The following CNTNAP5 variants were observed in gnomAD, a reference collection of about 807,000 sequenced individuals.
The protein encoded by CNTNAP5 is contactin associated protein family member 5, also known as contactin-associated protein-like 5.
Under a neutral mutation model 150.2 loss-of-function variants are expected in CNTNAP5, and 72 were observed. The observed-to-expected ratio is 0.48, with a 90% CI of 0.40 to 0.58. CNTNAP5 has a LOEUF of 0.58. Among genes scored for constraint, CNTNAP5 ranks in the 20% least tolerant of loss-of-function variants. The probability of loss-of-function intolerance (pLI) is 0.00; values close to 1 mark genes in which losing one functional copy is unlikely to be tolerated. For missense variants in CNTNAP5, 1,636 were observed against 1,626.2 expected (o/e 1.01, Z -0.10); for synonymous variants, 672 against 619.8 (o/e 1.08, Z -1.25).
intron 2 of CNTNAP5, among the ~76,000 whole-genome samples, chr2:124,231,104 G>C (rs1686606136): frequency 1.3e-5 from 2 of 152,258 alleles, no homozygotes; most frequent in Non-Finnish European, 2.9e-5. Context: ...AGAACTCCTG[G>C]ATCAGAACCC....
At chr2:124,545,077 T>A (rs1001698124) in intron 10 of CNTNAP5, among the ~76,000 whole-genome samples, 2 of 152,214 alleles carry the variant, frequency 1.3e-5, no homozygotes, top group African/African-American at 4.8e-5. Context: ...TCTTTTGCTA[T>A]TTCTGTTACC....
chr2:124,397,451 T>C (rs1320376916), intron 3 of CNTNAP5, among the ~76,000 whole-genome samples: 1 of 152,180 alleles, frequency 6.6e-6, no homozygotes, highest in African/African-American at 2.4e-5. Context: ...AAGGCACTAA[T>C]TCCATCACAG....
At chr2:124,845,238 C>T (rs1439454616) in intron 19 of CNTNAP5, among the ~76,000 whole-genome samples, 1 of 151,932 alleles carries the variant, frequency 6.6e-6, no homozygotes, top group African/African-American at 2.4e-5. Flanking sequence ...TTGAGATCAT[C>T]ATGTGATTTT....
chr2:124,266,459 C>CA (rs1187197976), intron 3 of CNTNAP5, among the ~76,000 whole-genome samples: 2 of 151,704 alleles, frequency 1.3e-5, no homozygotes, highest in Non-Finnish European at 2.9e-5. Context: ...TTTCGCCTTC[C>CA]AAAAAAAAGC....
chr2:124,354,214 G>C (rs1216450762), intron 3 of CNTNAP5, among the ~76,000 whole-genome samples: 1 of 152,158 alleles, frequency 6.6e-6, no homozygotes, highest in African/African-American at 2.4e-5. Context: ...GTTTGAGGCA[G>C]TAAAAGACAC....
At chr2:124,622,853 A>G (rs1677646859) in intron 12 of CNTNAP5, among the ~76,000 whole-genome samples, 1 of 152,194 alleles carries the variant, frequency 6.6e-6, no homozygotes, top group Non-Finnish European at 1.5e-5. Flanking sequence ...TTGCAAAAGT[A>G]TTGTTACCAC....
At chr2:124,231,111 AC>A (rs1057382616) in intron 2 of CNTNAP5, among the ~76,000 whole-genome samples, 2 of 152,152 alleles carry the variant, frequency 1.3e-5, no homozygotes, top group Non-Finnish European at 2.9e-5. Flanking sequence ...CTGGATCAGA[AC>A]CCGTGCATTA....
At chr2:124,713,087 G>A (rs181687415) in intron 13 of CNTNAP5, among the ~76,000 whole-genome samples, 16 of 152,198 alleles carry the variant, frequency 1.1e-4, no homozygotes, top group Non-Finnish European at 1.9e-4. Context: ...TGGCTACCAA[G>A]CATCTGCTGA....
At position 124,053,076 on chromosome 2, in the gene CNTNAP5, G is replaced by A. The variant is rs146085407; in HGVS notation, c.82+27344G>A. Among the ~76,000 whole-genome samples the A allele has an allele frequency of 6.1e-3, 800 of 132,158 alleles. 5 individuals carry two copies. Among genetic ancestry groups the A allele is most frequent in the African/African-American group, 0.021 (743 of 34,594 alleles). 86.7% of individuals were successfully genotyped at this position (132,158 alleles called of 152,430 possible). A position where few individuals can be genotyped will look rare whatever the true frequency, so the allele number is the denominator to read the frequency against. ...GATCACTGAACCAGCCACATTATTC[G>A]GAAACCATCTGTTTGTCCTCATTTA... On this transcript the variant is annotated intron_variant, in intron 1 of 23. Transcript: ENST00000682447.
At chr2:124,662,556 G>A (rs1388524748) in intron 13 of CNTNAP5, among the ~76,000 whole-genome samples, 1 of 152,190 alleles carries the variant, frequency 6.6e-6, no homozygotes, top group Non-Finnish European at 1.5e-5. Flanking sequence ...TTATATAAAT[G>A]AGGAAATGGA....
chr2:124,527,424 T>G lies in CNTNAP5; in HGVS notation c.1617T>G (p.Asp539Glu), dbSNP rs759146552. 6.2e-7 allele frequency: 1 copy of G among 1,613,710 alleles called. No individual in the cohort carries two copies. Among genetic ancestry groups the G allele is most frequent in the Non-Finnish European group, 8.5e-7 (1 of 1,179,668 alleles). The change falls in exon 10 of 24, where the codon GAT becomes GAG. Residue 539 changes from aspartate to glutamate, a missense_variant. By Grantham distance (45) the Asp-to-Glu change is conservative. Coordinates refer to ENST00000682447, the MANE Select transcript of CNTNAP5 (RefSeq NM_001367498.1). ...AAGGTTCCCTGGGGAATTTTAGTGA[T>G]TTACACATTGATCTGTGTAGCATCA... ...VQQGSLGNFS[D>E]LHIDLCSIKD...
chr2:124,053,925 A>C (rs1460345868), intron 1 of CNTNAP5, among the ~76,000 whole-genome samples: 1 of 152,214 alleles, frequency 6.6e-6, no homozygotes, highest in Non-Finnish European at 1.5e-5. Context: ...ATGCTGGAAA[A>C]TTCTAGTTTC....
intron 1 of CNTNAP5, among the ~76,000 whole-genome samples, chr2:124,165,260 T>A (rs1251616184): frequency 2.0e-5 from 3 of 152,124 alleles, no homozygotes; most frequent in Admixed American, 2.0e-4. Flanking sequence ...GTAGAGGAGT[T>A]TGTGCAGTAG....
At chr2:124,047,153 G>A (rs558380255) in intron 1 of CNTNAP5, among the ~76,000 whole-genome samples, 3 of 152,210 alleles carry the variant, frequency 2.0e-5, no homozygotes, top group Admixed American at 6.5e-5. Context: ...AAACAATACC[G>A]AGCTATTTAC....
intron 1 of CNTNAP5, among the ~76,000 whole-genome samples, chr2:124,035,562 C>T (rs185004607): frequency 2.0e-5 from 3 of 152,266 alleles, no homozygotes; most frequent in Admixed American, 6.5e-5. Context: ...AAATAGAGTG[C>T]ACGGGAACCC....
At chr2:124,510,307 ATATATC>A (rs1213417496) in intron 8 of CNTNAP5, among the ~76,000 whole-genome samples, 10 of 113,532 alleles carry the variant, frequency 8.8e-5, no homozygotes, top group African/African-American at 2.5e-4. Context: ...ATATCTATAT[ATATATC>A]TATATATCTA....
chr2:124,028,625 T>C (rs950145532), intron 1 of CNTNAP5, among the ~76,000 whole-genome samples: 2 of 152,118 alleles, frequency 1.3e-5, no homozygotes, highest in African/African-American at 4.8e-5. Flanking sequence ...CAAATGTAGA[T>C]ATAGTAGGCC....
At chr2:124,365,768 G>A (rs1690355831) in intron 3 of CNTNAP5, among the ~76,000 whole-genome samples, 1 of 152,158 alleles carries the variant, frequency 6.6e-6, no homozygotes, top group South Asian at 2.1e-4. Flanking sequence ...CAATGCACAT[G>A]AAAGATCTAA....
chr2:124,227,749 G>T (rs1686500640), intron 2 of CNTNAP5, among the ~76,000 whole-genome samples: 1 of 151,072 alleles, frequency 6.6e-6, no homozygotes, highest in South Asian at 2.1e-4. Context: ...TGGGAACTGT[G>T]TATTCAGAGA....
Sources: allele counts gnomAD v4.1 joint callset (sites outside exome capture counted in the v4.1 genomes callset), GRCh38; gene constraint gnomAD v4.1.1; transcripts MANE v1.5; gene names NCBI Gene and HGNC (gene_info 2026-07-23, HGNC 2026-07-21).